Variants in R3HDM1 observed in about 807,000 individuals in gnomAD.
R3HDM1 encodes the protein R3H domain-containing protein 1.
A neutral mutation model predicts 141.1 loss-of-function variants in R3HDM1; 46 were observed. The observed-to-expected ratio is 0.33, with a 90% CI of 0.26 to 0.42. R3HDM1 has a LOEUF of 0.42. Among genes scored for constraint, R3HDM1 ranks in the 10% least tolerant of loss-of-function variants. The pLI is 1.00. For synonymous variants in R3HDM1, 435 were observed against 472.9 expected (o/e 0.92, Z 1.04); for missense variants, 1,184 against 1,368.3 (o/e 0.87, Z 2.12).
At position 135,579,259 on chromosome 2, in the gene R3HDM1, T is replaced by C. The variant is rs116057070; in HGVS notation, c.-249-23241T>C. 4.4e-3 allele frequency among the ~76,000 whole-genome samples: 666 copies of C among 152,306 alleles called. 4 individuals are homozygous for C. Among genetic ancestry groups the C allele is most frequent in the African/African-American group, 0.015 (632 of 41,570 alleles). The stretch of plus-strand genomic sequence containing the variant: ...GGAACCAATCTGTTGGAACTCCCAA[T>C]GGCCCAAAGTGGGATAATTTGAGAA... On this transcript the variant is annotated intron_variant, in intron 1 of 26. Coordinates refer to ENST00000683871, the MANE Select transcript of R3HDM1 (RefSeq NM_001378107.1).
intron 5 of R3HDM1, chr2:135,620,667 T>C (rs1208633592): frequency 3.1e-6 from 3 of 958,328 alleles, no homozygotes; most frequent in African/African-American, 3.5e-5. Context: ...GCTACACTTT[T>C]ATCTTTAGTA....
intron 21 of R3HDM1, among the ~76,000 whole-genome samples, chr2:135,689,776 TACA>T (rs1033146443): frequency 1.5e-4 from 23 of 152,296 alleles, no homozygotes; most frequent in African/African-American, 4.3e-4. Context: ...ACACTAATTT[TACA>T]ACAACTCATG....
At chr2:135,574,868 T>C (rs936760071) in intron 1 of R3HDM1, among the ~76,000 whole-genome samples, 1 of 152,152 alleles carries the variant, frequency 6.6e-6, no homozygotes, top group African/African-American at 2.4e-5. Flanking sequence ...ATCTTATATA[T>C]AATGGGAAAT....
Position 135,657,249 on chromosome 2 carries a change from C to CA in R3HDM1, c.2029-4009dup, listed in dbSNP as rs1170645898. On this transcript the variant is annotated intron_variant, in intron 18 of 26. Transcript: ENST00000683871. ...GAAATCCCATCTCTACTAAAAATAC[C>CA]AAAAAAAAAAAATTAGCCAGGTGTG... Among the ~76,000 whole-genome samples the CA allele has an allele frequency of 1.3e-3, 190 of 141,772 alleles. 2 individuals carry two copies. In the East Asian group the frequency reaches 0.018, roughly 14 times the overall value. The allele number at this position is 141,772 out of a possible 152,430, so 93.0% of individuals were successfully genotyped here. A position where few individuals can be genotyped will look rare whatever the true frequency, so the allele number is the denominator to read the frequency against.
rs1190813740 is a variant in R3HDM1, at chr2:135,532,198, T to C, written c.-250+565T>C. Among the ~76,000 whole-genome samples the C allele has an allele frequency of 3.9e-5, 6 of 152,182 alleles. No homozygotes were observed. The East Asian group carries it at 9.6e-4, about 24-fold the overall frequency. ...TTTCAGCTTCGACCGGTTGGTAAAATGTAGGTACATTTTCCCTGTGGTACC... is the reference window on the plus strand; with the variant it reads ...TTTCAGCTTCGACCGGTTGGTAAAACGTAGGTACATTTTCCCTGTGGTACC... On this transcript the variant is annotated intron_variant, in intron 1 of 26. Transcript: ENST00000683871.
At chr2:135,657,820 C>G (rs1189021738) in intron 18 of R3HDM1, among the ~76,000 whole-genome samples, 1 of 152,174 alleles carries the variant, frequency 6.6e-6, no homozygotes, top group African/African-American at 2.4e-5. Flanking sequence ...ACTAATAGCT[C>G]TGGAAGGAAA....
chr2:135,604,825 AT>A lies in R3HDM1; in HGVS notation c.-19del. The stretch of plus-strand genomic sequence containing the variant: ...CTTAAGGCTTCAAGCTCCCTGTAGA[AT>A]TCGAAAATAACCTTTTCTAATGAGG... On this transcript the variant is annotated 5_prime_UTR_variant, in exon 3 of 27. Coordinates refer to ENST00000683871, the MANE Select transcript of R3HDM1 (RefSeq NM_001378107.1). 1.2e-6 allele frequency: 2 copies of A among 1,609,300 alleles called. No homozygotes were observed. Among genetic ancestry groups the A allele is most frequent in the Non-Finnish European group, 1.7e-6 (2 of 1,177,254 alleles).
chr2:135,622,534 G>A (rs1449355955), intron 6 of R3HDM1, 120 bp from the exon 7 acceptor site: 37 of 1,343,032 alleles, frequency 2.8e-5, no homozygotes, highest in East Asian at 1.4e-4. Flanking sequence ...CTACTTTGTC[G>A]AATTTTTTTC....
At chr2:135,541,534 G>C (rs981609718) in intron 1 of R3HDM1, among the ~76,000 whole-genome samples, 1 of 152,022 alleles carries the variant, frequency 6.6e-6, no homozygotes, top group African/African-American at 2.4e-5. Flanking sequence ...ATGTTGTTTT[G>C]TCTCAGTGAA....
rs181620778 is a variant in R3HDM1 at position 135,548,768 on chromosome 2, G to A, written c.-250+17135G>A. Reference sequence around the variant, plus strand: ...TGAATATCCTTTTTATTACAGAATCGTATTTTATTATATAAATACACAGTT... The same window carrying A: ...TGAATATCCTTTTTATTACAGAATCATATTTTATTATATAAATACACAGTT... On this transcript the variant is annotated intron_variant, in intron 1 of 26. Coordinates refer to ENST00000683871, the MANE Select transcript of R3HDM1 (RefSeq NM_001378107.1). Among the ~76,000 whole-genome samples, 31 of 152,086 alleles carry A rather than the reference G, an allele frequency of 2.0e-4. No individual in the cohort carries two copies. The East Asian group carries it at 5.0e-3, about 25-fold the overall frequency.
rs2059924502 is a variant in R3HDM1, at chr2:135,604,989, T to C, written c.144T>C (p.His48=). 1.2e-6 allele frequency: 2 copies of C among 1,608,450 alleles called. No homozygotes were observed. The highest frequency in any genetic ancestry group is 1.3e-5 in the African/African-American group (1 of 74,924). ...YGKILVEKNE[H]CIENNIDLQR... is the part of the protein sequence containing the mutation. ...AGATTTTGGTAGAGAAGAATGAACA[T>C]TGTATTGAGAACAATATAGATTTGC... The change falls in exon 3 of 27, where the codon CAT becomes CAC. Residue 48 remains histidine (H), a synonymous_variant. Transcript: ENST00000683871.
At chr2:135,589,387 G>A (rs1168376066) in intron 1 of R3HDM1, among the ~76,000 whole-genome samples, 1 of 152,000 alleles carries the variant, frequency 6.6e-6, no homozygotes, top group Non-Finnish European at 1.5e-5. Context: ...CTCCTGCTTT[G>A]TATAGTTTTC....
intron 21 of R3HDM1, among the ~76,000 whole-genome samples, chr2:135,697,914 A>G (rs1002713801): frequency 4.6e-5 from 7 of 151,818 alleles, no homozygotes; most frequent in Admixed American, 6.6e-5. Context: ...TTAACCAGGC[A>G]TGGTGGTGCA....
At chr2:135,577,258 A>G in intron 1 of R3HDM1, 2 of 963,758 alleles carry the variant, frequency 2.1e-6, no homozygotes, top group Non-Finnish European at 2.5e-6. Context: ...CATGAAAAAA[A>G]GTCAAAAACA....
rs558922149 is a variant in R3HDM1 at position 135,593,415 on chromosome 2, G to A, written c.-249-9085G>A. ...TATATTAGGAGGTCATTAACTTCAG[G>A]TTTAGAGTTACATTAATGGCCCTGA... On this transcript the variant is annotated intron_variant, in intron 1 of 26. Transcript: ENST00000683871. Among the ~76,000 whole-genome samples the A allele has an allele frequency of 9.9e-5, 15 of 152,196 alleles. No homozygotes were observed. The South Asian group carries it at 3.1e-3, about 32-fold the overall frequency.
At chr2:135,588,853 T>C (rs1204167760) in intron 1 of R3HDM1, among the ~76,000 whole-genome samples, 1 of 152,220 alleles carries the variant, frequency 6.6e-6, no homozygotes, top group African/African-American at 2.4e-5. Flanking sequence ...GTATTGACTT[T>C]TTTATACCAT....
At chr2:135,645,723 G>A (rs1460921478) in intron 16 of R3HDM1, among the ~76,000 whole-genome samples, 196 bp downstream of exon 16, 2 of 152,180 alleles carry the variant, frequency 1.3e-5, no homozygotes, top group Non-Finnish European at 2.9e-5. Context: ...CTGAAAATAT[G>A]TTGGAAAGAA....
At position 135,642,392 on chromosome 2, in the gene R3HDM1, A is replaced by G. The variant is rs557995091; in HGVS notation, c.1474+602A>G. 2.0e-5 allele frequency among the ~76,000 whole-genome samples: 3 copies of G among 152,282 alleles called. No individual in the cohort carries two copies. In the South Asian group the frequency reaches 6.2e-4, roughly 32 times the overall value. ...ATTTTGGAGCATTTACTTTTACCAT[A>G]TGCTCTGTTAGGTGCTTTAAATATA... On this transcript the variant is annotated intron_variant, in intron 15 of 26. Coordinates refer to ENST00000683871, the MANE Select transcript of R3HDM1 (RefSeq NM_001378107.1).
intron 21 of R3HDM1, among the ~76,000 whole-genome samples, chr2:135,692,887 G>T (rs866578476): frequency 1.3e-5 from 2 of 152,138 alleles, no homozygotes; most frequent in African/African-American, 2.4e-5. Context: ...ATTAAGGAAA[G>T]ATTTGAGATA....
Sources: gnomAD v4.1 joint callset for allele counts (sites outside exome capture counted in the v4.1 genomes callset) on GRCh38, gnomAD v4.1.1 for gene constraint, MANE v1.5 for transcripts, NCBI Gene and HGNC (gene_info 2026-07-23, HGNC 2026-07-21) for gene names.